SMPD4: variants seen among roughly 807,000 people sequenced by gnomAD.
SMPD4 encodes neutral sphingomyelinase 3.
SMPD4 carries 58 observed loss-of-function variants against 97.8 expected under a neutral mutation model. The observed-to-expected ratio is 0.59, with a 90% confidence interval of 0.48 to 0.74. The LOEUF (loss-of-function observed/expected upper bound fraction) is 0.74, where lower values mean the gene tolerates loss of function less well. Ranked by LOEUF, SMPD4 falls within the 30% of genes least tolerant of loss-of-function variation. The pLI is 0.00. For synonymous variants in SMPD4, 388 were observed against 450.0 expected (o/e 0.86, Z 1.74); for missense variants, 853 against 1,080.5 (o/e 0.79, Z 2.95).
chr2:130,181,259 T>C (rs1249030439), intron 1 of SMPD4: 4 of 1,353,850 alleles, frequency 3.0e-6, no homozygotes, highest in Non-Finnish European at 3.8e-6. Flanking sequence ...CTTCCCTCAA[T>C]TCCTTCAACG....
intron 8 of SMPD4, among the ~76,000 whole-genome samples, chr2:130,171,237 TG>T (rs1688437329): frequency 6.6e-6 from 1 of 151,294 alleles, no homozygotes; most frequent in African/African-American, 2.4e-5. Flanking sequence ...CCTGAGTAGC[TG>T]GGATTACAGG....
rs1297469609 is a variant in SMPD4 at position 130,153,617 on chromosome 2, T to C, written c.1893+85A>G. 1.4e-5 allele frequency: 21 copies of C among 1,548,706 alleles called. No individual in the cohort carries two copies. The East Asian group carries it at 4.8e-4, about 36-fold the overall frequency. ...CCATATGTGTGGGGCCTGGGACTGG[T>C]AGGTGGCTGACCACAGGCTGGGTGG... On this transcript the variant is annotated intron_variant, in intron 17 of 19. Transcript: ENST00000680298.
chr2:130,170,784 T>C (rs1159841049), intron 8 of SMPD4, among the ~76,000 whole-genome samples: 1 of 148,322 alleles, frequency 6.7e-6, no homozygotes, highest in Non-Finnish European at 1.5e-5. Flanking sequence ...AAATGCTGGG[T>C]GCAGTAGCTC....
intron 8 of SMPD4, among the ~76,000 whole-genome samples, chr2:130,167,809 C>A (rs1393981570): frequency 6.6e-6 from 1 of 152,146 alleles, no homozygotes; most frequent in Non-Finnish European, 1.5e-5. Context: ...ACAGAGTGAC[C>A]ATTGACCCAC....
chr2:130,174,790 T>A (rs555621186), intron 3 of SMPD4, 124 bp downstream of exon 3: 25 of 631,400 alleles, frequency 4.0e-5, no homozygotes, highest in South Asian at 3.5e-4. Flanking sequence ...GTCATGGTAA[T>A]GGCCAGGCCT....
Position 130,176,647 on chromosome 2 carries a change from AACAAAG to A in SMPD4, c.-45-16_-45-11del. The A allele has an allele frequency of 6.2e-7, 1 of 1,604,762 alleles. No individual in the cohort carries two copies. The highest frequency in any genetic ancestry group is 8.5e-7 in the Non-Finnish European group (1 of 1,173,556). ...CCTTCTTAGCAAACCACTGTGGAAA[AACAAAG>A]ACAAAATCTCAACATCTGTAACACA... On this transcript the variant is annotated splice_polypyrimidine_tract_variant and intron_variant, in intron 1 of 19. Coordinates refer to ENST00000680298, the MANE Select transcript of SMPD4 (RefSeq NM_017951.5).
At chr2:130,180,541 G>A (rs998000762) in intron 1 of SMPD4, among the ~76,000 whole-genome samples, 8 of 151,688 alleles carry the variant, frequency 5.3e-5, no homozygotes, top group Admixed American at 2.6e-4. Context: ...AAAGTGCTGG[G>A]ATTACAGGCG....
intron 1 of SMPD4, 155 bp downstream of exon 1, chr2:130,181,375 G>T (rs1242245498): frequency 1.4e-6 from 2 of 1,446,232 alleles, no homozygotes; most frequent in East Asian, 5.0e-5. Context: ...AGACTCAACC[G>T]GGGCCCTCCA....
At chr2:130,159,530 C>G (rs1229838784) in intron 11 of SMPD4, 2 of 150,864 alleles carry the variant, frequency 1.3e-5, no homozygotes, top group Non-Finnish European at 2.9e-5. Flanking sequence ...CCCAGCTACT[C>G]AAGAGGCTGA....
At chr2:130,157,755 G>C (rs1483286561) in intron 11 of SMPD4, 1 of 309,896 alleles carries the variant, frequency 3.2e-6, no homozygotes, top group Admixed American at 4.6e-5. Flanking sequence ...TTGGGCGCTG[G>C]TGCCTGTCTT....
chr2:130,157,426 G>A (rs760411195), intron 11 of SMPD4, 30 bp from the exon 12 acceptor site: 1 of 1,610,660 alleles, frequency 6.2e-7, no homozygotes, highest in Admixed American at 1.7e-5. Flanking sequence ...TGAGGGCCTG[G>A]GAAGGAGCGT....
intron 10 of SMPD4, 101 bp from the exon 11 acceptor site, chr2:130,161,373 A>G (rs1160263543): frequency 4.6e-6 from 4 of 867,034 alleles, no homozygotes; most frequent in East Asian, 5.1e-5. Flanking sequence ...GGGAGGGGGA[A>G]GCGGAGAGAG....
intron 3 of SMPD4, 53 bp downstream of exon 3, chr2:130,174,861 C>A (rs1481904233): frequency 2.2e-6 from 3 of 1,351,924 alleles, no homozygotes; most frequent in Non-Finnish European, 3.2e-6. Flanking sequence ...TAATAAAGTT[C>A]TTCAACGAAT....
intron 3 of SMPD4, among the ~76,000 whole-genome samples, chr2:130,174,008 A>C (rs1688735615): frequency 6.6e-6 from 1 of 152,134 alleles, no homozygotes; most frequent in South Asian, 2.1e-4. Flanking sequence ...AAAAATATAA[A>C]ATAAAAAAAT....
intron 12 of SMPD4, 42 bp from the exon 13 acceptor site, chr2:130,156,717 G>A (rs756615445): frequency 1.2e-5 from 19 of 1,593,522 alleles, no homozygotes; most frequent in Non-Finnish European, 1.5e-5. Flanking sequence ...TGCCCAGTAA[G>A]GAGGCCCTGC....
chr2:130,179,356 C>A (rs1212113155), intron 1 of SMPD4, among the ~76,000 whole-genome samples: 1 of 152,018 alleles, frequency 6.6e-6, no homozygotes, highest in East Asian at 1.9e-4. Flanking sequence ...CTCCTGACCT[C>A]GTGATCCGCC....
intron 8 of SMPD4, among the ~76,000 whole-genome samples, chr2:130,172,056 C>T (rs2443636): frequency 6.6e-6 from 1 of 152,204 alleles, no homozygotes; most frequent in African/African-American, 2.4e-5. Flanking sequence ...ACTCAGACAC[C>T]GCCTGTGGGG....
Position 130,153,433 on chromosome 2 carries a change from G to A in SMPD4, c.1911C>T (p.Leu637=), listed in dbSNP as rs2599981. 6.2e-6 allele frequency: 10 copies of A among 1,613,746 alleles called. No individual in the cohort carries two copies. Among genetic ancestry groups the A allele is most frequent in the Middle Eastern group, 1.6e-4 (1 of 6,084 alleles). The change falls in exon 18 of 20, where the codon CTC becomes CTT. Residue 637 remains leucine (L), a synonymous_variant. Transcript: ENST00000680298. ...RQIFRLSEAQ[L]RQFTLALGTT... ...TGCCCAAGGCGAGTGTGAACTGCCT[G>A]AGCTGCGCTTCGCTGAGCTGCCAGA...
Position 130,176,573 on chromosome 2 carries a change from T to C in SMPD4, c.20A>G (p.Gln7Arg), listed in dbSNP as rs1250375239. 1 of 1,613,190 alleles carries C rather than the reference T, an allele frequency of 6.2e-7. No individual in the cohort carries two copies. The highest frequency in any genetic ancestry group is 8.5e-7 in the Non-Finnish European group (1 of 1,179,668). The change falls in exon 2 of 20, where the codon CAG becomes CGG. Residue 7 changes from glutamine (Q) to arginine (R), a missense_variant. Physicochemically the swap from Gln to Arg is conservative, Grantham distance 43. Transcript: ENST00000680298. The part of the protein sequence containing the change: MAFPHL[Q>R]QPSFLLASLK... ...ATTTACCAGTAGAAAGCTGGGCTGCTGCAGGTGAGGGAACGCCATAGCAGC... is the reference window on the plus strand; with the variant it reads ...ATTTACCAGTAGAAAGCTGGGCTGCCGCAGGTGAGGGAACGCCATAGCAGC...
Sources: allele counts gnomAD v4.1 joint callset (sites outside exome capture counted in the v4.1 genomes callset), GRCh38; gene constraint gnomAD v4.1.1; transcripts MANE v1.5; gene names NCBI Gene and HGNC (gene_info 2026-07-23, HGNC 2026-07-21).